Variants in AOPEP observed in about 807,000 individuals in gnomAD.
AOPEP encodes the protein aminopeptidase O (putative).
A neutral mutation model predicts 98.1 loss-of-function variants in AOPEP; 77 were observed. That is an observed-to-expected ratio of 0.78 (90% CI 0.65 to 0.95). The LOEUF is 0.95. Among genes scored for constraint, AOPEP ranks in the 40% least tolerant of loss-of-function variants. The probability of loss-of-function intolerance (pLI) is 0.00; values close to 1 mark genes in which losing one functional copy is unlikely to be tolerated. For synonymous variants in AOPEP, 346 were observed against 365.3 expected, an observed-to-expected ratio of 0.95 and a Z score of 0.60; for missense variants, 1,024 against 1,024.7, an observed-to-expected ratio of 1.00 and a Z score of 0.01.
intron 9 of AOPEP, among the ~76,000 whole-genome samples, chr9:94,965,911 G>A (rs776099115): frequency 1.4e-5 from 2 of 146,066 alleles, no homozygotes; most frequent in Admixed American, 6.8e-5. Flanking sequence ...GGGAGGCTTC[G>A]GTCTGCAGTT....
chr9:94,952,665 G>A (rs1207710939), intron 7 of AOPEP, among the ~76,000 whole-genome samples: 1 of 152,218 alleles, frequency 6.6e-6, no homozygotes, highest in Admixed American at 6.5e-5. Flanking sequence ...GTGAGAACCA[G>A]AGTAGCACAG....
chr9:94,825,981 T>C (rs1047945517), intron 5 of AOPEP, among the ~76,000 whole-genome samples: 2 of 152,218 alleles, frequency 1.3e-5, no homozygotes, highest in Non-Finnish European at 2.9e-5. Flanking sequence ...GAAATAAAAA[T>C]AGCTTTTTCT....
At chr9:94,964,725 C>A (rs1043184096) in intron 9 of AOPEP, among the ~76,000 whole-genome samples, 1 of 150,910 alleles carries the variant, frequency 6.6e-6, no homozygotes, top group African/African-American at 2.4e-5. Flanking sequence ...CTGCAACCTC[C>A]GCCTCCCAGG....
intron 5 of AOPEP, among the ~76,000 whole-genome samples, chr9:94,899,179 C>CTTTTTTTTTTTTTTTTTTTTTT (rs1164742981): frequency 1.7e-5 from 1 of 59,732 alleles, no homozygotes; most frequent in African/African-American, 7.5e-5. Flanking sequence ...TCTTCATTTG[C>CTTTTTTTTTTTTTTTTTTTTTT]TTTTTTTTTT....
chr9:95,039,840 T>C (rs1247606135), intron 13 of AOPEP, among the ~76,000 whole-genome samples: 7 of 152,246 alleles, frequency 4.6e-5, no homozygotes, highest in Admixed American at 3.9e-4. Context: ...CAATGATTTG[T>C]GATGGCAGAC....
At chr9:95,121,147 G>A in the AOPEP span, among the ~76,000 whole-genome samples, 3 of 152,198 alleles carry the variant, frequency 2.0e-5, no homozygotes, top group Non-Finnish European at 4.4e-5. Context: ...ATCTGTGGGA[G>A]ATGATTTAAT....
At chr9:95,121,900 C>T in the AOPEP span, among the ~76,000 whole-genome samples, 2 of 151,466 alleles carry the variant, frequency 1.3e-5, no homozygotes, top group African/African-American at 2.4e-5. Context: ...CTCTGTCGCC[C>T]AGGCTGGAGT....
At chr9:95,145,755 C>T in the AOPEP span, among the ~76,000 whole-genome samples, 4 of 152,154 alleles carry the variant, frequency 2.6e-5, no homozygotes, top group South Asian at 2.1e-4. Context: ...GAGAATGTGA[C>T]AAGGGAACCA....
intron 5 of AOPEP, among the ~76,000 whole-genome samples, chr9:94,908,049 G>A (rs1484985472): frequency 2.6e-5 from 4 of 152,146 alleles, no homozygotes; most frequent in Non-Finnish European, 4.4e-5. Flanking sequence ...CAAAGTGGCC[G>A]TTTTTTAATG....
At chr9:95,112,932 G>A in the AOPEP span, among the ~76,000 whole-genome samples, 1 of 152,226 alleles carries the variant, frequency 6.6e-6, no homozygotes, top group East Asian at 1.9e-4. Context: ...CACACATTCT[G>A]AGTGATGGTG....
At chr9:94,939,163 A>G (rs2056697706) in intron 7 of AOPEP, among the ~76,000 whole-genome samples, 1 of 151,486 alleles carries the variant, frequency 6.6e-6, no homozygotes, top group Non-Finnish European at 1.5e-5. Flanking sequence ...CAGGAGAATC[A>G]CTTGAACCTG....
chr9:95,138,679 G>A, the AOPEP span, among the ~76,000 whole-genome samples: 1 of 152,214 alleles, frequency 6.6e-6, no homozygotes, highest in Non-Finnish European at 1.5e-5. Flanking sequence ...CTGGCCGAGA[G>A]CCATGGCACG....
chr9:94,763,050 A>G, intron 2 of AOPEP: 1 of 388,798 alleles, frequency 2.6e-6, no homozygotes, highest in Non-Finnish European at 5.3e-6. Context: ...TTTGTTCCTG[A>G]ATTGCAGAAT....
intron 14 of AOPEP, among the ~76,000 whole-genome samples, chr9:95,062,031 C>T (rs1212063764): frequency 6.6e-6 from 1 of 152,134 alleles, no homozygotes; most frequent in East Asian, 1.9e-4. Context: ...ATGGACAGAC[C>T]AGAGGGGAGG....
Position 94,759,938 on chromosome 9 carries a change from G to T in AOPEP, c.155G>T (p.Arg52Ile), listed in dbSNP as rs762271990. The T allele has an allele frequency of 1.9e-6, 3 of 1,614,026 alleles. No individual in the cohort carries two copies. The highest frequency in any genetic ancestry group is 1.6e-4 in the Middle Eastern group (1 of 6,084). Reference sequence around the variant, plus strand: ...GTGCTTTTCCTCGAGGATGGAAACAGATTCAAGAAACAGAATAGCTCTATT... The same window carrying T: ...GTGCTTTTCCTCGAGGATGGAAACATATTCAAGAAACAGAATAGCTCTATT... ...TIVLFLEDGN[R>I]FKKQNSSIEE... Residue 52 changes from arginine (R) to isoleucine (I), a missense_variant, in exon 2 of 17, where the codon AGA (arginine) becomes ATA (isoleucine). Coordinates refer to ENST00000375315, the MANE Select transcript of AOPEP (RefSeq NM_001193329.3).
In AOPEP at chr9:94,770,774, G is replaced by A. The variant is rs537700623; in HGVS notation, c.798-2228G>A. Among the ~76,000 whole-genome samples the A allele has an allele frequency of 4.6e-5, 7 of 152,260 alleles. No individual in the cohort carries two copies. In the East Asian group the frequency reaches 9.7e-4, roughly 21 times the overall value. On this transcript the variant is annotated intron_variant, in intron 2 of 16. Transcript: ENST00000375315. ...CAGGTCAAACCTTTGCATTATCACG[G>A]CCTGTATACTTGTAGAATAAGTGTA...
At chr9:94,759,434 C>A (rs188407320) in intron 1 of AOPEP, among the ~76,000 whole-genome samples, 59 of 152,314 alleles carry the variant, frequency 3.9e-4, no homozygotes, top group Admixed American at 9.8e-4. Context: ...TTTGTGGAGG[C>A]CCATGCCATC....
chr9:94,953,267 G>T (rs530906136), intron 7 of AOPEP, among the ~76,000 whole-genome samples: 1 of 152,326 alleles, frequency 6.6e-6, no homozygotes, highest in East Asian at 1.9e-4. Flanking sequence ...CTTAAATGAA[G>T]ATGAAATGGA....
chr9:94,929,956 A>G (rs144328883), intron 7 of AOPEP, among the ~76,000 whole-genome samples: 58 of 152,260 alleles, frequency 3.8e-4, no homozygotes, highest in African/African-American at 1.2e-3. Flanking sequence ...TGGAAAAGGG[A>G]CTGAGGGCAG....
Sources: allele counts gnomAD v4.1 joint callset (sites outside exome capture counted in the v4.1 genomes callset), GRCh38; gene constraint gnomAD v4.1.1; transcripts MANE v1.5; gene names NCBI Gene and HGNC (gene_info 2026-07-23, HGNC 2026-07-21).